The following ZFP69 variants were observed in gnomAD, a reference collection of about 807,000 sequenced individuals.
ZFP69 encodes zinc finger protein 69 homolog.
ZFP69 carries 35 observed loss-of-function variants against 48.9 expected under a neutral mutation model. The observed-to-expected ratio is 0.72, with a 90% CI of 0.55 to 0.95. ZFP69 has a LOEUF of 0.95. ZFP69 is among the 40% of genes least tolerant of loss of function. ZFP69 has a pLI of 0.00. For synonymous variants in ZFP69, 193 were observed against 216.8 expected (o/e 0.89, Z 0.96); for missense variants, 557 against 638.4 (o/e 0.87, Z 1.37).
intron 3 of ZFP69, among the ~76,000 whole-genome samples, chr1:40,487,828 C>T (rs1293137713): frequency 6.6e-6 from 1 of 151,670 alleles, no homozygotes; most frequent in African/African-American, 2.4e-5. Context: ...GGGCGAATCA[C>T]CTGAGGCCAG....
chr1:40,488,584 CCAG>C (rs1387743016), intron 3 of ZFP69, among the ~76,000 whole-genome samples: 1 of 152,220 alleles, frequency 6.6e-6, no homozygotes, highest in Non-Finnish European at 1.5e-5. Flanking sequence ...CTCTCATCAA[CCAG>C]CCTACCTCCA....
chr1:40,483,226 A>ATTTTTTTTTTTTTTTTTTTTTTT lies in ZFP69; in HGVS notation c.219+1392_219+1393insTTTTTTTTTTTTTTTTTTTTTTT, dbSNP rs56706952. On this transcript the variant is annotated intron_variant, in intron 3 of 5. Coordinates refer to ENST00000372706, the MANE Select transcript of ZFP69 (RefSeq NM_001320179.2). ...AAAATCAAACCATACACCTTTTTTAATTTTTTTTTTTTTTTTTTTTAGAGA... is the reference window on the plus strand; with the variant it reads ...AAAATCAAACCATACACCTTTTTTAATTTTTTTTTTTTTTTTTTTTTTTTTTTTTTTTTTTTTTTTTTTAGAGA... 7.8e-4 allele frequency among the ~76,000 whole-genome samples: 91 copies of ATTTTTTTTTTTTTTTTTTTTTTT among 116,954 alleles called. 9 individuals are homozygous for ATTTTTTTTTTTTTTTTTTTTTTT. The highest frequency in any genetic ancestry group is 3.1e-3 in the African/African-American group (85 of 27,260). 76.7% of individuals were successfully genotyped at this position (116,954 alleles called of 152,430 possible).
At chr1:40,481,005 C>T (rs1645438052) in intron 2 of ZFP69, among the ~76,000 whole-genome samples, 1 of 152,134 alleles carries the variant, frequency 6.6e-6, no homozygotes. Flanking sequence ...GCTGGGGTTT[C>T]ACCATAATGG....
At position 40,494,255 on chromosome 1, in the gene ZFP69, A is replaced by ATTT. The variant is rs1645598717; in HGVS notation, c.443-666_443-665insTTT. The stretch of plus-strand genomic sequence containing the variant: ...ATTAGAGCAGGACTAAAAGATTCAA[A>ATTT]ATTTTTTTTTTTTTTTTTTTTTTTT... On this transcript the variant is annotated intron_variant, in intron 5 of 5. Transcript: ENST00000372706. Among the ~76,000 whole-genome samples, 226 of 123,840 alleles carry ATTT rather than the reference A, an allele frequency of 1.8e-3. 30 individuals are homozygous for ATTT. Among genetic ancestry groups the ATTT allele is most frequent in the African/African-American group, 6.2e-3 (196 of 31,564 alleles). 81.2% of individuals were successfully genotyped at this position (123,840 alleles called of 152,430 possible). A position where few individuals can be genotyped will look rare whatever the true frequency, so the allele number is the denominator to read the frequency against.
rs56706952 is a variant in ZFP69, at chr1:40,483,226, AT to A, written c.219+1392del. 2.1e-3 allele frequency among the ~76,000 whole-genome samples: 251 copies of A among 116,948 alleles called. 1 individual carries two copies. Among genetic ancestry groups the A allele is most frequent in the Middle Eastern group, 4.5e-3 (1 of 224 alleles). The allele number at this position is 116,948 out of a possible 152,430, so 76.7% of individuals were successfully genotyped here. On this transcript the variant is annotated intron_variant, in intron 3 of 5. Coordinates refer to ENST00000372706, the MANE Select transcript of ZFP69 (RefSeq NM_001320179.2). ...AAAATCAAACCATACACCTTTTTTA[AT>A]TTTTTTTTTTTTTTTTTTTAGAGAC...
Position 40,489,521 on chromosome 1 carries a change from A to G in ZFP69, c.347-8A>G. 6.2e-7 allele frequency: 1 copy of G among 1,607,152 alleles called. No homozygotes were observed. Among genetic ancestry groups the G allele is most frequent in the Non-Finnish European group, 8.5e-7 (1 of 1,177,096 alleles). On this transcript the variant is annotated splice_polypyrimidine_tract_variant and splice_region_variant and intron_variant, in intron 4 of 5. Transcript: ENST00000372706. ...ACATTCACACTGTTTTTTTTACTAC[A>G]TAAGCAGGATATCAACTTTCCAAAC...
intron 3 of ZFP69, among the ~76,000 whole-genome samples, chr1:40,487,126 T>C (rs1209929671): frequency 6.6e-6 from 1 of 152,020 alleles, no homozygotes; most frequent in African/African-American, 2.4e-5. Context: ...GGTTTCACCA[T>C]GTTGGCCAGG....
In ZFP69 at chr1:40,489,629, G is replaced by T; in HGVS notation, c.442+5G>T. 6.3e-7 allele frequency: 1 copy of T among 1,598,954 alleles called. No individual in the cohort carries two copies. The highest frequency in any genetic ancestry group is 1.1e-5 in the South Asian group (1 of 89,524). ...GCCCAGGAGATCCCAGTTCAGGTGAGACCAAGTGTGTTAGTCTGTTTTTGT... is the reference window on the plus strand; with the variant it reads ...GCCCAGGAGATCCCAGTTCAGGTGATACCAAGTGTGTTAGTCTGTTTTTGT... On this transcript the variant is annotated splice_donor_5th_base_variant and intron_variant, in intron 5 of 5. Transcript: ENST00000372706.
intron 3 of ZFP69, among the ~76,000 whole-genome samples, chr1:40,482,528 G>C (rs1645452913): frequency 6.6e-6 from 1 of 152,158 alleles, no homozygotes; most frequent in Non-Finnish European, 1.5e-5. Context: ...GAGGACAGAA[G>C]GGTTTGAAGT....
In ZFP69 at chr1:40,489,214, G is replaced by A; in HGVS notation, c.346G>A (p.Gly116Arg). 1.2e-6 allele frequency: 2 copies of A among 1,613,720 alleles called. No homozygotes were observed. Among genetic ancestry groups the A allele is most frequent in the South Asian group, 2.2e-5 (2 of 91,052 alleles). The stretch of plus-strand genomic sequence containing the variant: ...GAACTACAGCAACTTGGTGTCAGTG[G>A]GTAAGACTTGGCTATCCATGCATCC... ...LENYSNLVSV[G>R]YQLSKPSVIS... Residue 116 changes from glycine to arginine, a missense_variant and splice_region_variant, in exon 4 of 6, where the codon GGA (glycine) becomes AGA (arginine). Gly to Arg is a moderately radical substitution (Grantham distance 125, BLOSUM62 -2). Coordinates refer to ENST00000372706, the MANE Select transcript of ZFP69 (RefSeq NM_001320179.2).
At position 40,481,751 on chromosome 1, in the gene ZFP69, T is replaced by C; in HGVS notation, c.128-12T>C. 2 of 1,596,976 alleles carry C rather than the reference T, an allele frequency of 1.3e-6. No homozygotes were observed. The highest frequency in any genetic ancestry group is 1.7e-6 in the Non-Finnish European group (2 of 1,170,654). ...GGGAGATGCAAAGCTCATGGCTCTTTTCCTTCCCCAGCTCTGCTGTCTCAG... is the reference window on the plus strand; with the variant it reads ...GGGAGATGCAAAGCTCATGGCTCTTCTCCTTCCCCAGCTCTGCTGTCTCAG... On this transcript the variant is annotated splice_polypyrimidine_tract_variant and intron_variant, in intron 2 of 5. Transcript: ENST00000372706.
At position 40,495,371 on chromosome 1, in the gene ZFP69, CT is replaced by C; in HGVS notation, c.896del (p.Phe299SerfsTer76). 1 of 1,614,150 alleles carries C rather than the reference CT, an allele frequency of 6.2e-7. No homozygotes were observed. The highest frequency in any genetic ancestry group is 8.5e-7 in the Non-Finnish European group (1 of 1,180,038). On this transcript the variant is annotated frameshift_variant, in exon 6 of 6. Transcript: ENST00000372706. LOFTEE classifies it high-confidence loss of function. ...EHMRIHTGEK[P>X]FRCKECGRAF... The stretch of plus-strand genomic sequence containing the variant: ...ATGAGAATTCATACTGGTGAGAAAC[CT>C]TTCAGATGTAAGGAATGTGGAAGGG...
chr1:40,494,437 T>G (rs1340568608), intron 5 of ZFP69, among the ~76,000 whole-genome samples: 1 of 145,092 alleles, frequency 6.9e-6, no homozygotes, highest in Non-Finnish European at 1.5e-5. Context: ...CCCGGCTAAT[T>G]TTTTGTATTT....
chr1:40,494,329 C>T (rs1030621318), intron 5 of ZFP69, among the ~76,000 whole-genome samples: 3 of 118,246 alleles, frequency 2.5e-5, no homozygotes, highest in East Asian at 2.6e-4. Flanking sequence ...AGTGCAGTGG[C>T]GGGATCTCGG....
chr1:40,486,401 C>A (rs1645497392), intron 3 of ZFP69, among the ~76,000 whole-genome samples: 1 of 149,848 alleles, frequency 6.7e-6, no homozygotes, highest in Non-Finnish European at 1.5e-5. Flanking sequence ...TCCCTTCCTC[C>A]CTCCTTTCCT....
In ZFP69 at chr1:40,487,787, C is replaced by A. The variant is rs528059005; in HGVS notation, c.220-1301C>A. On this transcript the variant is annotated intron_variant, in intron 3 of 5. Transcript: ENST00000372706. The stretch of plus-strand genomic sequence containing the variant: ...TCAGGCCGGGCGCGGTGGCTCACGC[C>A]TGTAATCCCAGCACTTCAGGAGGCT... 2.6e-5 allele frequency among the ~76,000 whole-genome samples: 4 copies of A among 152,296 alleles called. No individual in the cohort carries two copies. The South Asian group carries it at 8.3e-4, about 32-fold the overall frequency.
chr1:40,485,765 T>C (rs1275271955), intron 3 of ZFP69, among the ~76,000 whole-genome samples: 3 of 152,216 alleles, frequency 2.0e-5, no homozygotes, highest in Admixed American at 2.0e-4. Flanking sequence ...GTTGACTGCT[T>C]TTTCTTTAAG....
chr1:40,493,660 C>T (rs1645592027), intron 5 of ZFP69: 1 of 152,146 alleles, frequency 6.6e-6, no homozygotes, highest in African/African-American at 2.4e-5. Flanking sequence ...TCTTTTCCTC[C>T]TCCGCTATTC....
intron 3 of ZFP69, among the ~76,000 whole-genome samples, chr1:40,484,731 C>T (rs1645477464): frequency 6.6e-6 from 1 of 151,524 alleles, no homozygotes. Flanking sequence ...GCGCGTGCCA[C>T]CACACCCGGC....
Sources: allele counts gnomAD v4.1 joint callset (sites outside exome capture counted in the v4.1 genomes callset), GRCh38; gene constraint gnomAD v4.1.1; transcripts MANE v1.5; gene names NCBI Gene and HGNC (gene_info 2026-07-23, HGNC 2026-07-21).